TMEM119: variants seen among roughly 807,000 people sequenced by gnomAD.
TMEM119 encodes the protein transmembrane protein 119.
For synonymous variants in TMEM119, 182 were observed against 176.4 expected, an observed-to-expected ratio of 1.03 and a Z score of -0.25; for missense variants, 410 against 381.0, an observed-to-expected ratio of 1.08 and a Z score of -0.63.
In TMEM119 at chr12:108,591,865, C is replaced by G. The variant is rs775619328; in HGVS notation, c.519G>C (p.Gln173His). Residue 173 changes from glutamine to histidine, a missense_variant, in exon 2 of 2, where the codon CAG (glutamine) becomes CAC (histidine). Coordinates refer to ENST00000392806, the MANE Select transcript of TMEM119 (RefSeq NM_181724.3). This position sits in a 1 kb window ranked among gnomAD's most constrained non-coding sequence, Gnocchi z 4.2. ...TCTGGGTGGCGGCCAAGATGTCGGC[C>G]TGGAGCTGCCGGGAGGAATCCAGGG... ...EEALDSSRQL[Q>H]ADILAATQNL... 18 of 1,607,584 alleles carry G rather than the reference C, an allele frequency of 1.1e-5. No individual in the cohort carries two copies. Among genetic ancestry groups the G allele is most frequent in the Non-Finnish European group, 1.4e-5 (17 of 1,177,244 alleles).
Position 108,592,351 on chromosome 12 carries a change from G to T in TMEM119, c.33C>A (p.Ile11=). ...CAGACCCCAGGAGCAGCAACAGAAG[G>T]ATGAGGAGGCTGGGGGCTGCCGCCG... MVSAAAPSLL[I]LLLLLLGSVP... is the part of the protein sequence containing the mutation. The change falls in exon 2 of 2, where the codon ATC becomes ATA. Residue 11 remains isoleucine, a synonymous_variant. Transcript: ENST00000392806. The surrounding 1 kb of genome is among the most constrained non-coding windows in gnomAD (Gnocchi z 4.3). The T allele has an allele frequency of 6.3e-7, 1 of 1,576,714 alleles. No individual in the cohort carries two copies. Among genetic ancestry groups the T allele is most frequent in the South Asian group, 1.1e-5 (1 of 88,112 alleles).
At chr12:108,593,688 C>T (rs2136742127) in intron 1 of TMEM119, among the ~76,000 whole-genome samples, 1 of 152,358 alleles carries the variant, frequency 6.6e-6, no homozygotes, top group East Asian at 1.9e-4. Context: ...GCCTCCCTGC[C>T]CTGATGGAAG....
chr12:108,592,342 C>A lies in TMEM119; in HGVS notation c.42G>T (p.Leu14Phe). ...TAGCAGGCACAGACCCCAGGAGCAG[C>A]AACAGAAGGATGAGGAGGCTGGGGG... The part of the protein sequence containing the change: ...AAAPSLLILL[L>F]LLLGSVPATD... Residue 14 changes from leucine to phenylalanine, a missense_variant, in exon 2 of 2, where the codon TTG becomes TTT. Transcript: ENST00000392806. The surrounding 1 kb of genome is among the most constrained non-coding windows in gnomAD (Gnocchi z 4.3). 4 of 1,582,858 alleles carry A rather than the reference C, an allele frequency of 2.5e-6. No individual in the cohort carries two copies. The highest frequency in any genetic ancestry group is 3.4e-6 in the Non-Finnish European group (4 of 1,171,190).
chr12:108,590,898 AT>A lies in TMEM119; in HGVS notation c.*633del, dbSNP rs1334103171. 6.6e-6 allele frequency: 1 copy of A among 152,250 alleles called. No individual in the cohort carries two copies. Among genetic ancestry groups the A allele is most frequent in the Non-Finnish European group, 1.5e-5 (1 of 68,076 alleles). 9.4% of individuals were successfully genotyped at this position (152,250 alleles called of 1,614,324 possible). A position where few individuals can be genotyped will look rare whatever the true frequency, so the allele number is the denominator to read the frequency against. ...ATTGAAAGGACACAAGAAGGGAACC[AT>A]TTGCAGTTTCAAAATACTGCTTCAC... On this transcript the variant is annotated 3_prime_UTR_variant, in exon 2 of 2. Transcript: ENST00000392806.
chr12:108,597,626 C>T (rs2031526169), intron 1 of TMEM119, among the ~76,000 whole-genome samples: 1 of 152,040 alleles, frequency 6.6e-6, no homozygotes, highest in Non-Finnish European at 1.5e-5. Flanking sequence ...ACACAACCCC[C>T]TGACACACAG....
chr12:108,593,597 T>TG (rs1186874989), intron 1 of TMEM119, among the ~76,000 whole-genome samples: 1 of 151,666 alleles, frequency 6.6e-6, no homozygotes, highest in Non-Finnish European at 1.5e-5. Flanking sequence ...GGCCCCAGGG[T>TG]GGGGAAGTCC....
In TMEM119 at chr12:108,592,416, G is replaced by A. The variant is rs1211353161; in HGVS notation, c.-14-19C>T. 1 of 1,527,116 alleles carries A rather than the reference G, an allele frequency of 6.5e-7. No individual in the cohort carries two copies. 94.6% of individuals were successfully genotyped at this position (1,527,116 alleles called of 1,614,324 possible). A position where few individuals can be genotyped will look rare whatever the true frequency, so the allele number is the denominator to read the frequency against. On this transcript the variant is annotated intron_variant, in intron 1 of 1. Transcript: ENST00000392806. This position sits in a 1 kb window ranked among gnomAD's most constrained non-coding sequence, Gnocchi z 4.3. ...CCAGGACCTGTGAGACAGGAGGGAG[G>A]AGAGAAGTCATGGCGGAACTCTAGA...
chr12:108,591,932 C>T lies in TMEM119; in HGVS notation c.452G>A (p.Ser151Asn). 1 of 1,613,074 alleles carries T rather than the reference C, an allele frequency of 6.2e-7. No homozygotes were observed. The highest frequency in any genetic ancestry group is 8.5e-7 in the Non-Finnish European group (1 of 1,179,556). The change falls in exon 2 of 2, where the codon AGT becomes AAT. Residue 151 changes from serine (S) to asparagine (N), a missense_variant. Physicochemically the swap from Ser to Asn is conservative, Grantham distance 46. Transcript: ENST00000392806. The surrounding 1 kb of genome is among the most constrained non-coding windows in gnomAD (Gnocchi z 4.2). The stretch of plus-strand genomic sequence containing the variant: ...GTCGGGGGCTCTGTCGGGGACCTCA[C>T]TGAAGGCCCGGGGGCCCCCGGCCCG... ...SDRAGGPRAF[S>N]EVPDRAPDSR...
rs1013738806 is a variant in TMEM119, at chr12:108,590,040, T to C, written c.*1492A>G. The stretch of plus-strand genomic sequence containing the variant: ...TGTGGACACAGGCTGCCAGACAATG[T>C]GTGAGCAACAGGGGGTGGCCAGGGC... On this transcript the variant is annotated 3_prime_UTR_variant, in exon 2 of 2. Transcript: ENST00000392806. 9.8e-5 allele frequency: 15 copies of C among 152,298 alleles called. 1 individual carries two copies. Among genetic ancestry groups the C allele is most frequent in the Admixed American group, 9.8e-4 (15 of 15,298 alleles). The allele number at this position is 152,298 out of a possible 1,614,324, so 9.4% of individuals were successfully genotyped here.
chr12:108,595,166 TAC>T (rs2136743585), intron 1 of TMEM119, among the ~76,000 whole-genome samples: 1 of 152,040 alleles, frequency 6.6e-6, no homozygotes, highest in East Asian at 1.9e-4. Context: ...CCCAGGAGTT[TAC>T]ACGCACATTC....
At chr12:108,595,536 C>T (rs1417727211) in intron 1 of TMEM119, among the ~76,000 whole-genome samples, 1 of 151,508 alleles carries the variant, frequency 6.6e-6, no homozygotes, top group African/African-American at 2.4e-5. Flanking sequence ...CACACACAAC[C>T]ACGTACACAC....
Position 108,592,373 on chromosome 12 carries a change from G to C in TMEM119, c.11C>G (p.Ala4Gly). MVS[A>G]AAPSLLILLL... is the part of the protein sequence containing the mutation. Reference sequence around the variant, plus strand: ...AAGGATGAGGAGGCTGGGGGCTGCCGCCGAAACCATGGTGCCCCCAGGACC... The same window carrying C: ...AAGGATGAGGAGGCTGGGGGCTGCCCCCGAAACCATGGTGCCCCCAGGACC... Residue 4 changes from alanine (A) to glycine (G), a missense_variant, in exon 2 of 2, where the codon GCG (alanine) becomes GGG (glycine). Transcript: ENST00000392806. This position sits in a 1 kb window ranked among gnomAD's most constrained non-coding sequence, Gnocchi z 4.3. 1.3e-6 allele frequency: 2 copies of C among 1,557,560 alleles called. No homozygotes were observed. The highest frequency in any genetic ancestry group is 1.7e-6 in the Non-Finnish European group (2 of 1,158,906).
In TMEM119 at chr12:108,592,349, A is replaced by T; in HGVS notation, c.35T>A (p.Leu12His). 1.3e-6 allele frequency: 2 copies of T among 1,576,442 alleles called. No homozygotes were observed. The highest frequency in any genetic ancestry group is 8.6e-7 in the Non-Finnish European group (1 of 1,168,332). The change falls in exon 2 of 2, where the codon CTT becomes CAT. Residue 12 changes from leucine to histidine, a missense_variant. Coordinates refer to ENST00000392806, the MANE Select transcript of TMEM119 (RefSeq NM_181724.3). The surrounding 1 kb of genome is among the most constrained non-coding windows in gnomAD (Gnocchi z 4.3). ...CACAGACCCCAGGAGCAGCAACAGA[A>T]GGATGAGGAGGCTGGGGGCTGCCGC... ...VSAAAPSLLI[L>H]LLLLLGSVPA... is the part of the protein sequence containing the mutation.
At chr12:108,596,915 C>G (rs1454311063) in intron 1 of TMEM119, among the ~76,000 whole-genome samples, 2 of 152,230 alleles carry the variant, frequency 1.3e-5, no homozygotes, top group Non-Finnish European at 2.9e-5. Context: ...ACAGAGAAGC[C>G]TGTCTTGGTA....
At position 108,592,387 on chromosome 12, in the gene TMEM119, G is replaced by T; in HGVS notation, c.-4C>A. The T allele has an allele frequency of 5.2e-6, 8 of 1,548,790 alleles. No homozygotes were observed. The East Asian group carries it at 1.9e-4, about 37-fold the overall frequency. ...TGGGGGCTGCCGCCGAAACCATGGT[G>T]CCCCCAGGACCTGTGAGACAGGAGG... On this transcript the variant is annotated 5_prime_UTR_variant, in exon 2 of 2. Coordinates refer to ENST00000392806, the MANE Select transcript of TMEM119 (RefSeq NM_181724.3). The surrounding 1 kb of genome is among the most constrained non-coding windows in gnomAD (Gnocchi z 4.3).
chr12:108,591,908 T>C lies in TMEM119; in HGVS notation c.476A>G (p.Asp159Gly), dbSNP rs1174375841. Residue 159 changes from aspartate to glycine, a missense_variant, in exon 2 of 2, where the codon GAC becomes GGC. Transcript: ENST00000392806. This position sits in a 1 kb window ranked among gnomAD's most constrained non-coding sequence, Gnocchi z 4.2. ...ATCCAGGGCTTCCTCGGGCCTGCTG[T>C]CGGGGGCTCTGTCGGGGACCTCACT... The part of the protein sequence containing the change: ...AFSEVPDRAP[D>G]SRPEEALDSS... The C allele has an allele frequency of 6.2e-7, 1 of 1,613,078 alleles. No homozygotes were observed. The highest frequency in any genetic ancestry group is 1.1e-5 in the South Asian group (1 of 91,042).
chr12:108,596,341 G>C (rs989993757), intron 1 of TMEM119, among the ~76,000 whole-genome samples: 1 of 151,736 alleles, frequency 6.6e-6, no homozygotes, highest in African/African-American at 2.4e-5. Flanking sequence ...AGCTCTGGCC[G>C]CCAAGGAATG....
chr12:108,593,223 C>T (rs2031449927), intron 1 of TMEM119, among the ~76,000 whole-genome samples: 1 of 152,126 alleles, frequency 6.6e-6, no homozygotes, highest in Non-Finnish European at 1.5e-5. Flanking sequence ...GTGGGCAGAT[C>T]ACTTGAGGTC....
chr12:108,595,560 AC>A (rs1282853689), intron 1 of TMEM119, among the ~76,000 whole-genome samples: 4 of 150,900 alleles, frequency 2.7e-5, no homozygotes, highest in South Asian at 2.1e-4. Context: ...CCCCACACAC[AC>A]CCCTATACAC....
Sources: allele counts gnomAD v4.1 joint callset (sites outside exome capture counted in the v4.1 genomes callset), GRCh38; gene constraint gnomAD v4.1.1; non-coding constraint Gnocchi (gnomAD v3.1); transcripts MANE v1.5; gene names NCBI Gene and HGNC (gene_info 2026-07-23, HGNC 2026-07-21).